The following GALNT1 variants were observed in gnomAD, a reference collection of about 807,000 sequenced individuals.
GALNT1 encodes the protein GalNAc transferase 1.
A neutral mutation model predicts 65.7 loss-of-function variants in GALNT1; 17 were observed. The ratio of observed to expected loss-of-function variants is 0.26; its 90% CI spans 0.18 to 0.39. GALNT1 has a LOEUF of 0.39. Among genes scored for constraint, GALNT1 ranks in the 10% least tolerant of loss-of-function variants. The pLI, the probability that GALNT1 is intolerant of heterozygous loss-of-function variation, is 1.00. For missense variants in GALNT1, 460 were observed against 672.8 expected (o/e 0.68, Z 3.50); for synonymous variants, 210 against 219.7 (o/e 0.96, Z 0.39).
intron 1 of GALNT1, among the ~76,000 whole-genome samples, chr18:35,644,746 T>G (rs915500560): frequency 6.6e-6 from 1 of 152,138 alleles, no homozygotes; most frequent in African/African-American, 2.4e-5. Context: ...ATCCCAGCAC[T>G]TTGGGAGGCT....
chr18:35,682,001 T>G (rs2047793891), intron 4 of GALNT1, among the ~76,000 whole-genome samples: 1 of 152,174 alleles, frequency 6.6e-6, no homozygotes, highest in Admixed American at 6.5e-5. Flanking sequence ...TTACATATGT[T>G]AGCATTATGC....
intron 5 of GALNT1, among the ~76,000 whole-genome samples, chr18:35,684,464 C>G (rs2047836009): frequency 2.6e-5 from 4 of 152,090 alleles, no homozygotes; most frequent in Admixed American, 2.6e-4. Flanking sequence ...AATAGGATAT[C>G]TGTAAATTAT....
chr18:35,583,758 A>G (rs1001116974), intron 1 of GALNT1, among the ~76,000 whole-genome samples: 2 of 152,204 alleles, frequency 1.3e-5, no homozygotes, highest in African/African-American at 4.8e-5. Context: ...CAGGCAAGGT[A>G]ATTCTCATGA....
chr18:35,677,495 A>C, intron 3 of GALNT1, 96 bp from the exon 4 acceptor site: 1 of 948,218 alleles, frequency 1.1e-6, no homozygotes, highest in Non-Finnish European at 1.5e-6. Context: ...CACTAGAGCA[A>C]ACTGCTTTTA....
chr18:35,600,494 A>G lies in GALNT1; in HGVS notation c.-104+18632A>G, dbSNP rs558828327. On this transcript the variant is annotated intron_variant, in intron 1 of 11. Coordinates refer to ENST00000269195, the MANE Select transcript of GALNT1 (RefSeq NM_020474.4). ...AGGATAATTTGACTACTTTCTTTCC[A>G]ATTTGGAGGCCCTTTATGTCTTTTT... Among the ~76,000 whole-genome samples, 14 of 152,192 alleles carry G rather than the reference A, an allele frequency of 9.2e-5. No individual in the cohort carries two copies. The East Asian group carries it at 2.3e-3, about 25-fold the overall frequency.
At chr18:35,652,708 C>T (rs1030152893) in intron 1 of GALNT1, among the ~76,000 whole-genome samples, 2 of 152,310 alleles carry the variant, frequency 1.3e-5, no homozygotes, top group Admixed American at 1.3e-4. Context: ...CCTTTATCTT[C>T]CTTTCTCCCC....
intron 1 of GALNT1, among the ~76,000 whole-genome samples, chr18:35,600,666 T>C (rs920067026): frequency 1.3e-5 from 2 of 152,148 alleles, no homozygotes; most frequent in African/African-American, 4.8e-5. Flanking sequence ...TTGTCACATA[T>C]GGCCTTTATT....
chr18:35,703,484 T>C (rs748682796), intron 10 of GALNT1, 25 bp from the exon 11 acceptor site: 3 of 1,607,564 alleles, frequency 1.9e-6, no homozygotes, highest in Admixed American at 3.4e-5. Flanking sequence ...TTTTTCTGTT[T>C]ATGTGTGTGC....
chr18:35,631,028 T>C lies in GALNT1; in HGVS notation c.-103-23532T>C, dbSNP rs557132352. The stretch of plus-strand genomic sequence containing the variant: ...GGAAGAAGTTGAATCTCTGAATAGA[T>C]CAATAACAGGCTCTGAAATTGAGGC... On this transcript the variant is annotated intron_variant, in intron 1 of 11. Coordinates refer to ENST00000269195, the MANE Select transcript of GALNT1 (RefSeq NM_020474.4). Among the ~76,000 whole-genome samples the C allele has an allele frequency of 2.6e-5, 4 of 152,132 alleles. No individual in the cohort carries two copies. The South Asian group carries it at 6.2e-4, about 24-fold the overall frequency.
intron 5 of GALNT1, among the ~76,000 whole-genome samples, chr18:35,685,456 A>G (rs1394260684): frequency 1.3e-5 from 2 of 151,548 alleles, no homozygotes; most frequent in African/African-American, 4.9e-5. Flanking sequence ...TATACAGTGG[A>G]AGTTTACTAA....
chr18:35,604,888 A>T (rs2046627123), intron 1 of GALNT1, among the ~76,000 whole-genome samples: 1 of 152,060 alleles, frequency 6.6e-6, no homozygotes. Flanking sequence ...GTAAATTAGG[A>T]CTCAGAGGAC....
chr18:35,596,096 T>C (rs1014435021), intron 1 of GALNT1: 5 of 152,136 alleles, frequency 3.3e-5, no homozygotes, highest in African/African-American at 1.2e-4. Flanking sequence ...TGATTTTAAA[T>C]ATAGAGATTA....
chr18:35,690,920 T>G (rs2047950939), intron 7 of GALNT1, 92 bp from the exon 8 acceptor site: 5 of 1,212,666 alleles, frequency 4.1e-6, no homozygotes, highest in Non-Finnish European at 5.7e-6. Context: ...AAACCCCTAT[T>G]TAATTGAAAA....
chr18:35,634,098 G>T (rs979984766), intron 1 of GALNT1, among the ~76,000 whole-genome samples: 1 of 152,142 alleles, frequency 6.6e-6, no homozygotes, highest in Admixed American at 6.5e-5. Context: ...AATCTGAGAA[G>T]GTGCCTCTAG....
At chr18:35,603,695 C>CA (rs2046609801) in intron 1 of GALNT1, among the ~76,000 whole-genome samples, 1 of 152,130 alleles carries the variant, frequency 6.6e-6, no homozygotes, top group Non-Finnish European at 1.5e-5. Context: ...GACTTCTCTT[C>CA]TTCCCCACTG....
At chr18:35,619,820 G>T (rs1254140979) in intron 1 of GALNT1, among the ~76,000 whole-genome samples, 1 of 152,298 alleles carries the variant, frequency 6.6e-6, no homozygotes, top group East Asian at 1.9e-4. Flanking sequence ...ACCAACAGTT[G>T]TTTGTGGGTA....
intron 3 of GALNT1, among the ~76,000 whole-genome samples, chr18:35,669,535 A>G (rs1303455997): frequency 6.6e-6 from 1 of 152,232 alleles, no homozygotes; most frequent in Non-Finnish European, 1.5e-5. Flanking sequence ...TAGGATTTGA[A>G]GATCATTTAG....
intron 1 of GALNT1, among the ~76,000 whole-genome samples, chr18:35,598,065 CAG>C (rs1393348172): frequency 4.6e-5 from 6 of 129,418 alleles, no homozygotes; most frequent in African/African-American, 8.5e-5. Context: ...TCTTTTTCAA[CAG>C]AGTCTTGCTC....
At chr18:35,605,934 T>C (rs2046641341) in intron 1 of GALNT1, among the ~76,000 whole-genome samples, 1 of 152,208 alleles carries the variant, frequency 6.6e-6, no homozygotes, top group Admixed American at 6.5e-5. Context: ...CTAGTCTTTG[T>C]ATTAGCAGTT....
Sources: allele counts gnomAD v4.1 joint callset (sites outside exome capture counted in the v4.1 genomes callset), GRCh38; gene constraint gnomAD v4.1.1; transcripts MANE v1.5; gene names NCBI Gene and HGNC (gene_info 2026-07-23, HGNC 2026-07-21).